XPR1: variants seen among roughly 807,000 people sequenced by gnomAD.
The protein encoded by XPR1 is solute carrier family 53 member 1.
A neutral mutation model predicts 87.5 loss-of-function variants in XPR1; 28 were observed. The observed-to-expected ratio is 0.32, with a 90% CI of 0.24 to 0.44. The LOEUF (loss-of-function observed/expected upper bound fraction) is 0.44. Among genes scored for constraint, XPR1 ranks in the 20% least tolerant of loss-of-function variants. XPR1 has a pLI of 1.00. For synonymous variants in XPR1, 300 were observed against 306.1 expected (o/e 0.98, Z 0.21); for missense variants, 559 against 862.3 (o/e 0.65, Z 4.41).
intron 13 of XPR1, among the ~76,000 whole-genome samples, chr1:180,874,907 C>T (rs934844160): frequency 2.6e-5 from 4 of 152,120 alleles, no homozygotes; most frequent in African/African-American, 7.2e-5. Flanking sequence ...CAAAAGCTGG[C>T]GTTGCTACAA....
At chr1:180,679,294 C>T (rs1656479078) in intron 1 of XPR1, among the ~76,000 whole-genome samples, 1 of 152,152 alleles carries the variant, frequency 6.6e-6, no homozygotes, top group Admixed American at 6.5e-5. Flanking sequence ...TGTGCTGGTT[C>T]TGGGGAGGGA....
chr1:180,690,774 G>T (rs918709549), intron 2 of XPR1, among the ~76,000 whole-genome samples: 1 of 149,914 alleles, frequency 6.7e-6, no homozygotes, highest in African/African-American at 2.5e-5. Context: ...TTTATATCTA[G>T]TATCCGAAAT....
At chr1:180,680,357 CTTTTTTTTTT>C (rs369905770) in intron 1 of XPR1, among the ~76,000 whole-genome samples, 1 of 83,392 alleles carries the variant, frequency 1.2e-5, no homozygotes, top group East Asian at 4.8e-4. Flanking sequence ...CAAATAGAAC[CTTTTTTTTTT>C]TTTTTTTTTT....
rs1378621484 is a variant in XPR1, at chr1:180,704,274, A to ATATATATATATATATATATATATG, written c.121+21866_121+21867insATATATATATATATATATATGTAT. ...TATATATATATATATATATATATATATATTATCAGATTATCTGTTTTGTTA... is the reference window on the plus strand; with the variant it reads ...TATATATATATATATATATATATATATATATATATATATATATATATATGTATTATCAGATTATCTGTTTTGTTA... On this transcript the variant is annotated intron_variant, in intron 2 of 14. Transcript: ENST00000367590. Among the ~76,000 whole-genome samples the ATATATATATATATATATATATATG allele has an allele frequency of 2.1e-5, 3 of 141,682 alleles. No homozygotes were observed. The South Asian group carries it at 6.9e-4, about 33-fold the overall frequency. 92.9% of individuals were successfully genotyped at this position (141,682 alleles called of 152,430 possible). A position where few individuals can be genotyped will look rare whatever the true frequency, so the allele number is the denominator to read the frequency against.
chr1:180,638,450 G>C (rs1265114460), intron 1 of XPR1, among the ~76,000 whole-genome samples: 3 of 152,118 alleles, frequency 2.0e-5, no homozygotes, highest in Non-Finnish European at 4.4e-5. Flanking sequence ...GAGAGTGTCA[G>C]ACTTCACCAG....
chr1:180,818,621 G>A (rs1650499848), intron 7 of XPR1, among the ~76,000 whole-genome samples: 1 of 152,126 alleles, frequency 6.6e-6, no homozygotes, highest in Non-Finnish European at 1.5e-5. Context: ...AATTCATGAA[G>A]CCATGGGAAG....
At chr1:180,760,068 T>G (rs1647947222) in intron 2 of XPR1, among the ~76,000 whole-genome samples, 1 of 152,172 alleles carries the variant, frequency 6.6e-6, no homozygotes, top group African/African-American at 2.4e-5. Flanking sequence ...CAGCAACCCT[T>G]CATGCTAAAA....
chr1:180,852,200 C>G (rs200888269), intron 11 of XPR1, among the ~76,000 whole-genome samples: 1 of 151,834 alleles, frequency 6.6e-6, no homozygotes, highest in Non-Finnish European at 1.5e-5. Context: ...CAGTCAAGTT[C>G]TGTGGTTTTT....
rs1316506351 is a variant in XPR1 at position 180,884,297 on chromosome 1, T to G, written c.*231T>G. 2.3e-6 allele frequency: 1 copy of G among 440,878 alleles called. No individual in the cohort carries two copies. The highest frequency in any genetic ancestry group is 4.1e-5 in the East Asian group (1 of 24,382). The allele number at this position is 440,878 out of a possible 1,614,324, so 27.3% of individuals were successfully genotyped here. Reference sequence around the variant, plus strand: ...TTTCAAAACAAATATTTACTTCATTTGCCAATCAGAGGATGTTTTAAGAAA... The same window carrying G: ...TTTCAAAACAAATATTTACTTCATTGGCCAATCAGAGGATGTTTTAAGAAA... On this transcript the variant is annotated 3_prime_UTR_variant, in exon 15 of 15. Coordinates refer to ENST00000367590, the MANE Select transcript of XPR1 (RefSeq NM_004736.4).
At chr1:180,806,306 C>G in intron 5 of XPR1, 95 bp downstream of exon 5, 1 of 1,542,278 alleles carries the variant, frequency 6.5e-7, no homozygotes, top group Admixed American at 1.9e-5. Context: ...TAACTAGTTG[C>G]TAGCTTTGAA....
intron 2 of XPR1, among the ~76,000 whole-genome samples, chr1:180,772,041 A>G (rs1648535648): frequency 6.6e-6 from 1 of 152,102 alleles, no homozygotes; most frequent in African/African-American, 2.4e-5. Context: ...TTTCTTCTAC[A>G]TTTATTAATT....
Position 180,880,115 on chromosome 1 carries a change from T to A in XPR1, c.1848T>A (p.His616Gln). ...ACTTCTTCCGCCTGGAGAATGAACA[T>A]CTGAATAACTGTGGTGAATTCCGTG... ...VWNFFRLENE[H>Q]LNNCGEFRAV... Residue 616 changes from histidine (H) to glutamine (Q), a missense_variant, in exon 14 of 15, where the codon CAT (histidine) becomes CAA (glutamine). Physicochemically the swap from His to Gln is conservative, Grantham distance 24. Around this residue, in one of 7 missense-constraint regions of XPR1, gnomAD observed 2 missense variants for 22.9 expected, o/e 0.09. Coordinates refer to ENST00000367590, the MANE Select transcript of XPR1 (RefSeq NM_004736.4). The A allele has an allele frequency of 6.2e-7, 1 of 1,614,174 alleles. No individual in the cohort carries two copies. Among genetic ancestry groups the A allele is most frequent in the Non-Finnish European group, 8.5e-7 (1 of 1,180,036 alleles).
At chr1:180,761,099 T>C (rs1648006393) in intron 2 of XPR1, among the ~76,000 whole-genome samples, 2 of 152,148 alleles carry the variant, frequency 1.3e-5, no homozygotes, top group South Asian at 2.1e-4. Context: ...TCCTTACACC[T>C]TATAGAAAAA....
intron 1 of XPR1, among the ~76,000 whole-genome samples, chr1:180,659,357 T>G (rs1206674198): frequency 1.5e-5 from 2 of 132,676 alleles, no homozygotes; most frequent in East Asian, 2.3e-4. Context: ...CCTTCCGTCC[T>G]TCCGTCCTTC....
rs1397939445 is a variant in XPR1 at position 180,878,669 on chromosome 1, T to C, written c.1809-1407T>C. Among the ~76,000 whole-genome samples, 7 of 152,184 alleles carry C rather than the reference T, an allele frequency of 4.6e-5. No individual in the cohort carries two copies. In the East Asian group the frequency reaches 1.3e-3, roughly 29 times the overall value. On this transcript the variant is annotated intron_variant, in intron 13 of 14. Coordinates refer to ENST00000367590, the MANE Select transcript of XPR1 (RefSeq NM_004736.4). ...AGCCATGATTTGAATCTAGACAGTCTCCCAGAGCCTGTGCTTTTAGATCGT... is the reference window on the plus strand; with the variant it reads ...AGCCATGATTTGAATCTAGACAGTCCCCCAGAGCCTGTGCTTTTAGATCGT...
At chr1:180,655,975 C>T (rs1331521950) in intron 1 of XPR1, among the ~76,000 whole-genome samples, 3 of 151,934 alleles carry the variant, frequency 2.0e-5, no homozygotes, top group African/African-American at 7.3e-5. Flanking sequence ...TAATTATCCT[C>T]TCTTAGTTAT....
At chr1:180,674,511 G>A (rs970145983) in intron 1 of XPR1, among the ~76,000 whole-genome samples, 1 of 151,850 alleles carries the variant, frequency 6.6e-6, no homozygotes, top group Non-Finnish European at 1.5e-5. Flanking sequence ...CACCCTCCTC[G>A]GCCTCCAAAA....
At chr1:180,851,979 A>G (rs1008032884) in intron 11 of XPR1, among the ~76,000 whole-genome samples, 7 of 151,606 alleles carry the variant, frequency 4.6e-5, no homozygotes, top group African/African-American at 1.2e-4. Flanking sequence ...AACATCTTCA[A>G]TGTATCAGGC....
intron 1 of XPR1, among the ~76,000 whole-genome samples, chr1:180,632,848 T>G (rs184663634): frequency 7.5e-4 from 115 of 152,350 alleles, no homozygotes; most frequent in Non-Finnish European, 1.4e-3. Context: ...GACTTAAGTG[T>G]GTATCACATA....
Sources: allele counts gnomAD v4.1 joint callset (sites outside exome capture counted in the v4.1 genomes callset), GRCh38; gene constraint gnomAD v4.1.1; regional missense constraint gnomAD v4.1.1; transcripts MANE v1.5; gene names NCBI Gene and HGNC (gene_info 2026-07-23, HGNC 2026-07-21).